The following HFM1 variants were observed in gnomAD, a reference collection of about 807,000 sequenced individuals.
HFM1 encodes probable ATP-dependent DNA helicase HFM1.
HFM1 carries 169 observed loss-of-function variants against 192.1 expected under a neutral mutation model. The observed-to-expected ratio is 0.88, with a 90% CI of 0.78 to 1.00. The LOEUF is 1.00. HFM1 is among the 50% of genes least tolerant of loss of function. HFM1 has a pLI of 0.00. For missense variants in HFM1, 1,661 were observed against 1,668.0 expected (o/e 1.00, Z 0.07); for synonymous variants, 525 against 537.8 (o/e 0.98, Z 0.33).
At chr1:91,294,729 T>C (rs1199649560) in intron 30 of HFM1, among the ~76,000 whole-genome samples, 1 of 152,210 alleles carries the variant, frequency 6.6e-6, no homozygotes, top group Non-Finnish European at 1.5e-5. Context: ...TATACCACAA[T>C]TTATTTGTCC....
chr1:91,325,673 G>A (rs1243826152), intron 20 of HFM1, among the ~76,000 whole-genome samples: 1 of 152,114 alleles, frequency 6.6e-6, no homozygotes, highest in East Asian at 1.9e-4. Context: ...CCCAGACTGT[G>A]AAGACTAGAA....
At position 91,266,000 on chromosome 1, in the gene HFM1, T is replaced by C. The variant is rs1399496255; in HGVS notation, c.3974+17A>G. The C allele has an allele frequency of 6.3e-7, 1 of 1,589,076 alleles. No individual in the cohort carries two copies. The highest frequency in any genetic ancestry group is 1.2e-5 in the South Asian group (1 of 86,468). On this transcript the variant is annotated intron_variant, in intron 36 of 38. Coordinates refer to ENST00000370425, the MANE Select transcript of HFM1 (RefSeq NM_001017975.6). ...TATAAAGTTGCAAATATTACAAACC[T>C]AAGTTCTAAAACTTGCCTGTTTGAC...
At chr1:91,291,032 T>A (rs574833240) in intron 30 of HFM1, among the ~76,000 whole-genome samples, 25 of 151,784 alleles carry the variant, frequency 1.6e-4, no homozygotes, top group Admixed American at 4.6e-4. Flanking sequence ...TACCAGAATC[T>A]CTGGGACACA....
At chr1:91,371,667 A>G (rs1382495191) in intron 13 of HFM1, among the ~76,000 whole-genome samples, 1 of 142,426 alleles carries the variant, frequency 7.0e-6, no homozygotes. Context: ...AATACCATTC[A>G]GGACATAGGC....
At chr1:91,276,913 T>A in intron 31 of HFM1, 69 bp downstream of exon 31, 1 of 927,094 alleles carries the variant, frequency 1.1e-6, no homozygotes, top group African/African-American at 1.7e-5. Context: ...ATAATTAGGA[T>A]GTCATTACTA....
intron 13 of HFM1, among the ~76,000 whole-genome samples, chr1:91,361,913 A>C (rs1466621804): frequency 6.6e-6 from 1 of 152,180 alleles, no homozygotes; most frequent in Non-Finnish European, 1.5e-5. Flanking sequence ...CAAACCAATA[A>C]ATGTGATGCA....
At chr1:91,386,706 T>C (rs958615602) in intron 4 of HFM1, among the ~76,000 whole-genome samples, 35 of 150,046 alleles carry the variant, frequency 2.3e-4, no homozygotes, top group African/African-American at 7.3e-4. Context: ...TAACACCTAA[T>C]AGTATTTAAA....
intron 34 of HFM1, among the ~76,000 whole-genome samples, chr1:91,273,331 T>C (rs1666488456): frequency 6.6e-6 from 1 of 152,078 alleles, no homozygotes; most frequent in Admixed American, 6.6e-5. Flanking sequence ...GTCACATTGA[T>C]ATTTTGTAAA....
In HFM1 at chr1:91,350,783, A is replaced by T; in HGVS notation, c.2161T>A (p.Ser721Thr). The T allele has an allele frequency of 6.2e-7, 1 of 1,611,454 alleles. No homozygotes were observed. The highest frequency in any genetic ancestry group is 1.1e-5 in the South Asian group (1 of 90,862). The change falls in exon 18 of 39, where the codon TCA (serine) becomes ACA (threonine). Residue 721 changes from serine to threonine, a missense_variant. Transcript: ENST00000370425. ...AAGGCTCTGATATAAAGCAGAGTTGATCGTATCCATTCCACAGCAATATTC... is the reference window on the plus strand; with the variant it reads ...AAGGCTCTGATATAAAGCAGAGTTGTTCGTATCCATTCCACAGCAATATTC... ...DVNIAVEWIR[S>T]TLLYIRALKN...
Position 91,275,758 on chromosome 1 carries a change from A to G in HFM1, c.3588+870T>C, listed in dbSNP as rs72966404. 2.3e-3 allele frequency among the ~76,000 whole-genome samples: 350 copies of G among 152,186 alleles called. 1 individual carries two copies. Among genetic ancestry groups the G allele is most frequent in the African/African-American group, 7.9e-3 (329 of 41,520 alleles). Reference sequence around the variant, plus strand: ...TGCCACTACCCTAAACTAGGCCATTATTTTGCTTAGATTATTGTAAAAACC... The same window carrying G: ...TGCCACTACCCTAAACTAGGCCATTGTTTTGCTTAGATTATTGTAAAAACC... On this transcript the variant is annotated intron_variant, in intron 32 of 38. Coordinates refer to ENST00000370425, the MANE Select transcript of HFM1 (RefSeq NM_001017975.6).
rs757560772 is a variant in HFM1 at position 91,276,617 on chromosome 1, T to C, written c.3588+11A>G. 9.7e-6 allele frequency: 13 copies of C among 1,336,308 alleles called. No homozygotes were observed. The highest frequency in any genetic ancestry group is 4.8e-5 in the Admixed American group (2 of 41,746). The allele number at this position is 1,336,308 out of a possible 1,614,324, so 82.8% of individuals were successfully genotyped here. A position where few individuals can be genotyped will look rare whatever the true frequency, so the allele number is the denominator to read the frequency against. ...CTACAGAACAATGGGAAAAATGTTA[T>C]TAAAACTAACCTTCAGACGTTTAAC... On this transcript the variant is annotated intron_variant, in intron 32 of 38. Coordinates refer to ENST00000370425, the MANE Select transcript of HFM1 (RefSeq NM_001017975.6).
chr1:91,270,446 T>C (rs1583818), intron 34 of HFM1, among the ~76,000 whole-genome samples: 106,505 of 151,842 alleles, frequency 0.7, 37,500 homozygotes, highest in East Asian at 0.81. Flanking sequence ...ATTATACAGA[T>C]GGATTTGGAG....
At chr1:91,375,773 G>T in intron 11 of HFM1, 46 bp from the exon 12 acceptor site, 1 of 1,536,946 alleles carries the variant, frequency 6.5e-7, no homozygotes, top group Non-Finnish European at 9.0e-7. Context: ...TTCTAGTAAA[G>T]TTTTATTGCT....
Position 91,343,458 on chromosome 1 carries a change from C to A in HFM1, c.2307G>T (p.Met769Ile). The A allele has an allele frequency of 6.9e-7, 1 of 1,443,434 alleles. No homozygotes were observed. Among genetic ancestry groups the A allele is most frequent in the South Asian group, 1.3e-5 (1 of 75,040 alleles). 89.4% of individuals were successfully genotyped at this position (1,443,434 alleles called of 1,614,324 possible). Residue 769 changes from methionine to isoleucine, a missense_variant, in exon 20 of 39, where the codon ATG becomes ATT. Transcript: ENST00000370425. ...NDLSSLDLIK[M>I]DEGVNFKPTE... The stretch of plus-strand genomic sequence containing the variant: ...TTGGTTTGAAATTAACACCTTCATC[C>A]ATCTTTATTAAGTCCAGGGATGATA...
chr1:91,316,624 G>A (rs938433660), intron 25 of HFM1, 148 bp from the exon 26 acceptor site: 1 of 399,968 alleles, frequency 2.5e-6, no homozygotes, highest in African/African-American at 2.1e-5. Flanking sequence ...AAAGTTTTCA[G>A]TTGGATTATT....
intron 13 of HFM1, among the ~76,000 whole-genome samples, chr1:91,368,178 A>T (rs1429405735): frequency 6.6e-6 from 1 of 152,214 alleles, no homozygotes; most frequent in Non-Finnish European, 1.5e-5. Flanking sequence ...TCTCTGCAGG[A>T]TATTATCCAG....
intron 30 of HFM1, among the ~76,000 whole-genome samples, chr1:91,299,584 C>T (rs1648329003): frequency 6.6e-6 from 1 of 152,304 alleles, no homozygotes; most frequent in African/African-American, 2.4e-5. Context: ...AACAAACTGT[C>T]TCTCAGACCA....
At chr1:91,267,467 T>C (rs181732380) in intron 35 of HFM1, among the ~76,000 whole-genome samples, 12 of 152,208 alleles carry the variant, frequency 7.9e-5, no homozygotes, top group Admixed American at 3.9e-4. Context: ...AATAAACAAT[T>C]TGAATTTGAC....
intron 3 of HFM1, among the ~76,000 whole-genome samples, chr1:91,395,755 T>C (rs899415376): frequency 4.6e-5 from 7 of 152,218 alleles, no homozygotes; most frequent in African/African-American, 1.4e-4. Context: ...ATACAATGTG[T>C]AATGATCAAA....
Sources: allele counts gnomAD v4.1 joint callset (sites outside exome capture counted in the v4.1 genomes callset), GRCh38; gene constraint gnomAD v4.1.1; transcripts MANE v1.5; gene names NCBI Gene and HGNC (gene_info 2026-07-23, HGNC 2026-07-21).